Variants in EDA observed in about 807,000 individuals in gnomAD.
The protein encoded by EDA is ectodysplasin A.
A neutral mutation model predicts 23.6 loss-of-function variants in EDA; 2 were observed. That is an observed-to-expected ratio of 0.08 (90% CI 0.03 to 0.27). The LOEUF is 0.27. Among genes scored for constraint, EDA ranks in the 10% least tolerant of loss-of-function variants. The pLI is 1.00. For missense variants in EDA, 229 were observed against 324.2 expected (o/e 0.71, Z 2.26); for synonymous variants, 131 against 132.0 (o/e 0.99, Z 0.05).
At chrX:69,842,085 C>T (rs757715639) in intron 1 of EDA, among the ~76,000 whole-genome samples, 1 of 112,058 alleles carries the variant, frequency 8.9e-6, no homozygotes, top group East Asian at 2.8e-4. Flanking sequence ...GAGCAATGGG[C>T]GGATGAGTAA....
intron 1 of EDA, among the ~76,000 whole-genome samples, chrX:69,668,774 C>T (rs1016308952): frequency 1.7e-5 from 1 of 58,939 alleles, no homozygotes; most frequent in African/African-American, 1.2e-4. Context: ...GGGGTTTCAC[C>T]GTGTTAGCCA....
At chrX:69,730,395 G>C (rs1176015057) in intron 1 of EDA, among the ~76,000 whole-genome samples, 3 of 111,582 alleles carry the variant, frequency 2.7e-5, no homozygotes, top group Non-Finnish European at 3.8e-5. Context: ...AAGAGCTAAG[G>C]GCATTATATA....
At chrX:69,907,750 T>C (rs2018200326) in intron 1 of EDA, among the ~76,000 whole-genome samples, 1 of 111,688 alleles carries the variant, frequency 9.0e-6, no homozygotes, top group Non-Finnish European at 1.9e-5. Flanking sequence ...ATGATATTGA[T>C]GTTCAAACAG....
chrX:69,761,116 A>G (rs138336531), intron 1 of EDA, among the ~76,000 whole-genome samples: 1,370 of 111,026 alleles, frequency 0.012, 8 homozygotes, highest in Middle Eastern at 0.033. Flanking sequence ...GGAATGGCAG[A>G]TGAAGAAAAG....
intron 1 of EDA, among the ~76,000 whole-genome samples, chrX:69,916,396 C>CTTTTTTTTTT (rs782071176): frequency 1.5e-4 from 9 of 58,143 alleles, no homozygotes; most frequent in Admixed American, 2.3e-4. Flanking sequence ...CTCTACTGTT[C>CTTTTTTTTTT]TTTTTTTTTT....
At chrX:69,636,336 C>T (rs1932773470) in intron 1 of EDA, among the ~76,000 whole-genome samples, 1 of 110,409 alleles carries the variant, frequency 9.1e-6, no homozygotes, top group African/African-American at 3.3e-5. Flanking sequence ...TGAGGCCCTT[C>T]CCAGAAGCCA....
chrX:69,673,507 A>G lies in EDA; in HGVS notation c.396+56803A>G, dbSNP rs142109239. On this transcript the variant is annotated intron_variant, in intron 1 of 7. Coordinates refer to ENST00000374552, the MANE Select transcript of EDA (RefSeq NM_001399.5). ...GAAAGGTCAGCATATTCGGTATGCT[A>G]TACCACACTTTCATGAATTTATCTT... Among the ~76,000 whole-genome samples the G allele has an allele frequency of 9.1e-4, 101 of 111,479 alleles. 2 individuals carry two copies. In the East Asian group the frequency reaches 0.02, roughly 22 times the overall value.
intron 1 of EDA, among the ~76,000 whole-genome samples, chrX:69,899,602 A>G (rs1278201092): frequency 9.0e-6 from 1 of 110,874 alleles, no homozygotes; most frequent in Admixed American, 9.8e-5. Context: ...ATTACAATAT[A>G]TATACAGTGA....
intron 1 of EDA, chrX:69,670,105 A>AT: frequency 9.9e-6 from 3 of 304,334 alleles, no homozygotes; most frequent in Non-Finnish European, 5.7e-6. Context: ...AATTCCTTAA[A>AT]TTTTTTCTTG....
intron 2 of EDA, among the ~76,000 whole-genome samples, chrX:70,006,958 A>AT (rs1294720179): frequency 2.7e-5 from 3 of 110,676 alleles, no homozygotes; most frequent in East Asian, 2.8e-4. Context: ...AGTTGTCTAG[A>AT]TTTTTTTGTA....
At chrX:69,987,313 A>AAAAAAAT (rs1569394643) in intron 2 of EDA, among the ~76,000 whole-genome samples, 8 of 107,362 alleles carry the variant, frequency 7.5e-5, no homozygotes, top group African/African-American at 2.7e-4. Context: ...TTTTTTTTTA[A>AAAAAAAT]AAATAAATAA....
intron 4 of EDA, among the ~76,000 whole-genome samples, chrX:70,028,534 C>T (rs991965205): frequency 3.6e-5 from 4 of 112,491 alleles, no homozygotes; most frequent in African/African-American, 1.3e-4. Context: ...GTGCTTTTCC[C>T]ATAGCAAGTA....
intron 1 of EDA, among the ~76,000 whole-genome samples, chrX:69,852,974 T>C (rs969030020): frequency 8.9e-6 from 1 of 112,052 alleles, no homozygotes; most frequent in African/African-American, 3.2e-5. Flanking sequence ...AACACAAGCT[T>C]CAAATAATTC....
intron 2 of EDA, among the ~76,000 whole-genome samples, chrX:70,016,052 A>C (rs2019943682): frequency 9.0e-6 from 1 of 110,526 alleles, no homozygotes; most frequent in South Asian, 3.9e-4. Context: ...AAAGAAAAAA[A>C]AAAACAAAAA....
At chrX:69,825,248 G>A (rs1260788757) in intron 1 of EDA, among the ~76,000 whole-genome samples, 1 of 96,355 alleles carries the variant, frequency 1.0e-5, no homozygotes, top group Admixed American at 1.2e-4. Context: ...TTTTTCTATT[G>A]ATTGGAATAG....
chrX:69,769,607 C>T (rs144619914), intron 1 of EDA, among the ~76,000 whole-genome samples: 1,734 of 110,601 alleles, frequency 0.016, 31 homozygotes, highest in African/African-American at 0.055. Flanking sequence ...TCTTCTTTTC[C>T]TGACTTCTTT....
intron 1 of EDA, among the ~76,000 whole-genome samples, chrX:69,943,839 C>A (rs1185162457): frequency 1.8e-5 from 2 of 109,943 alleles, no homozygotes; most frequent in Non-Finnish European, 1.9e-5. Flanking sequence ...GCATAGGAAC[C>A]TACTTGGTGA....
chrX:69,899,759 A>G (rs2018071939), intron 1 of EDA, among the ~76,000 whole-genome samples: 1 of 111,345 alleles, frequency 9.0e-6, no homozygotes, highest in African/African-American at 3.3e-5. Context: ...ATTGTTCTCT[A>G]TTTTATAAAG....
intron 1 of EDA, among the ~76,000 whole-genome samples, chrX:69,622,087 G>T (rs796404429): frequency 9.0e-6 from 1 of 111,109 alleles, no homozygotes; most frequent in African/African-American, 3.3e-5. Context: ...ATATTATTTC[G>T]TTGCTCGAAT....
Sources: allele counts gnomAD v4.1 joint callset (sites outside exome capture counted in the v4.1 genomes callset), GRCh38; gene constraint gnomAD v4.1.1; transcripts MANE v1.5; gene names NCBI Gene and HGNC (gene_info 2026-07-23, HGNC 2026-07-21).